Variants in RBFOX1 observed in about 807,000 individuals in gnomAD.
RBFOX1 encodes the protein RNA binding fox-1 homolog 1, also known as RNA binding protein fox-1 homolog 1.
In RBFOX1, 8 loss-of-function variants were observed where a neutral mutation model predicts 57.7. The observed-to-expected ratio is 0.14, with a 90% CI of 0.08 to 0.25. The LOEUF (loss-of-function observed/expected upper bound fraction) is 0.25, where lower values mean the gene tolerates loss of function less well. Ranked by LOEUF, RBFOX1 falls within the 10% of genes least tolerant of loss-of-function variation. RBFOX1 has a pLI of 1.00. For missense variants in RBFOX1, 611 were observed against 548.5 expected, an observed-to-expected ratio of 1.11 and a Z score of -1.14; for synonymous variants, 326 against 222.4, an observed-to-expected ratio of 1.47 and a Z score of -4.15.
At chr16:6,534,773 TTGAC>T (rs2153822592) in intron 2 of RBFOX1, among the ~76,000 whole-genome samples, 1 of 152,256 alleles carries the variant, frequency 6.6e-6, no homozygotes, top group African/African-American at 2.4e-5. Flanking sequence ...TCTATGCACT[TTGAC>T]TGGGGTACTG....
intron 4 of RBFOX1, among the ~76,000 whole-genome samples, chr16:7,121,072 G>A (rs1468592301): frequency 1.3e-5 from 2 of 151,928 alleles, no homozygotes; most frequent in Non-Finnish European, 1.5e-5. Flanking sequence ...CTACATTGAT[G>A]ATAAAAACTC....
chr16:7,510,724 C>T (rs529092486), intron 4 of RBFOX1, among the ~76,000 whole-genome samples: 11 of 152,074 alleles, frequency 7.2e-5, no homozygotes, highest in Non-Finnish European at 1.2e-4. Context: ...AGACCATGCT[C>T]CTAAACTAAA....
At chr16:7,347,127 A>G (rs1235340512) in intron 4 of RBFOX1, among the ~76,000 whole-genome samples, 5 of 152,172 alleles carry the variant, frequency 3.3e-5, no homozygotes, top group East Asian at 1.9e-4. Flanking sequence ...TTGTAAGGAC[A>G]TTTAGCAATA....
rs1349610328 is a variant in RBFOX1, at chr16:6,183,478, T to TA, written c.-126-133510dup. The stretch of plus-strand genomic sequence containing the variant: ...CTGGGTGACAGAGCAAGGCTCCATC[T>TA]AAAAAAATTAAATAAATAAATAAAT... On this transcript the variant is annotated intron_variant, in intron 1 of 15. Coordinates refer to ENST00000550418, the MANE Select transcript of RBFOX1 (RefSeq NM_018723.4). 3.4e-5 allele frequency among the ~76,000 whole-genome samples: 4 copies of TA among 116,376 alleles called. 1 individual carries two copies. The highest frequency in any genetic ancestry group is 2.1e-4 in the Admixed American group (2 of 9,430). The allele number at this position is 116,376 out of a possible 152,430, so 76.3% of individuals were successfully genotyped here. A position where few individuals can be genotyped will look rare whatever the true frequency, so the allele number is the denominator to read the frequency against.
rs77288488 is a variant in RBFOX1, at chr16:5,689,973, G to C, written c.318+91012G>C. Among the ~76,000 whole-genome samples the C allele has an allele frequency of 5.4e-3, 825 of 152,270 alleles. 14 individuals carry two copies. Among genetic ancestry groups the C allele is most frequent in the East Asian group, 0.04 (207 of 5,170 alleles). ...GCATGGCCATGCAGAGAGACAGCAG[G>C]GGAGTGCTGCTTGCACATGGAACAG... On this transcript the variant is annotated intron_variant, in intron 3 of 19. Transcript: ENST00000641259.
At chr16:5,566,598 A>G (rs1031444448) in intron 2 of RBFOX1, among the ~76,000 whole-genome samples, 7 of 151,214 alleles carry the variant, frequency 4.6e-5, no homozygotes, top group Middle Eastern at 3.2e-3. Context: ...ATATGTGTGT[A>G]TATATGTGTA....
chr16:6,985,832 TAA>T (rs565941451), intron 3 of RBFOX1, among the ~76,000 whole-genome samples: 2 of 99,820 alleles, frequency 2.0e-5, no homozygotes, highest in African/African-American at 4.8e-5. Flanking sequence ...TGAGTTCATG[TAA>T]AAAAAAAAAA....
At chr16:6,657,097 ACTCTCCTCTCCTCCCCTCTC>A (rs2098663272) in intron 3 of RBFOX1, among the ~76,000 whole-genome samples, 1 of 38,868 alleles carries the variant, frequency 2.6e-5, no homozygotes, top group East Asian at 1.1e-3. Context: ...CCTCCCCTTT[ACTCTCCTCTCCTCCCCTCTC>A]CTCTCCTCTC....
At chr16:7,236,854 G>A (rs904719600) in intron 4 of RBFOX1, among the ~76,000 whole-genome samples, 8 of 152,292 alleles carry the variant, frequency 5.3e-5, no homozygotes, top group Admixed American at 4.6e-4. Flanking sequence ...TTCACTGGAA[G>A]CACGCAGGAT....
In RBFOX1 at chr16:7,029,127, CGTAT is replaced by C. The variant is rs1376755646; in HGVS notation, c.-15-22929_-15-22926del. Among the ~76,000 whole-genome samples, 9 of 59,646 alleles carry C rather than the reference CGTAT, an allele frequency of 1.5e-4. No homozygotes were observed. In the Admixed American group the frequency reaches 1.6e-3, roughly 10 times the overall value. 39.1% of individuals were successfully genotyped at this position (59,646 alleles called of 152,430 possible). A position where few individuals can be genotyped will look rare whatever the true frequency, so the allele number is the denominator to read the frequency against. On this transcript the variant is annotated intron_variant, in intron 3 of 15. Transcript: ENST00000550418. Reference sequence around the variant, plus strand: ...ACACACACACACACACACACATATACGTATATATATATGTGTATATATGTATATA... The same window carrying C: ...ACACACACACACACACACACATATACATATATATGTGTATATATGTATATA...
At chr16:6,450,009 A>G (rs901440617) in intron 2 of RBFOX1, among the ~76,000 whole-genome samples, 3 of 152,104 alleles carry the variant, frequency 2.0e-5, no homozygotes, top group Non-Finnish European at 4.4e-5. Context: ...AATTGCTTTT[A>G]TTGGATTGCA....
At chr16:7,083,917 C>G (rs2059586485) in intron 4 of RBFOX1, among the ~76,000 whole-genome samples, 1 of 152,078 alleles carries the variant, frequency 6.6e-6, no homozygotes, top group South Asian at 2.1e-4. Flanking sequence ...CACTTAGCAT[C>G]CTGCCCACCT....
chr16:5,891,608 C>T (rs1167201106), intron 4 of RBFOX1, among the ~76,000 whole-genome samples: 1 of 152,152 alleles, frequency 6.6e-6, no homozygotes, highest in Non-Finnish European at 1.5e-5. Flanking sequence ...TTCTAGTCTA[C>T]AGCTGGGTGA....
At chr16:7,368,802 A>G (rs1038475444) in intron 4 of RBFOX1, among the ~76,000 whole-genome samples, 12 of 151,926 alleles carry the variant, frequency 7.9e-5, no homozygotes, top group Admixed American at 6.6e-4. Context: ...AAAAATAAAA[A>G]TAATTGGAGT....
intron 4 of RBFOX1, among the ~76,000 whole-genome samples, chr16:7,313,720 C>G (rs2096374250): frequency 6.6e-6 from 1 of 152,058 alleles, no homozygotes; most frequent in South Asian, 2.1e-4. Context: ...ACAAAAAAAG[C>G]CTCCAGGGAG....
intron 4 of RBFOX1, among the ~76,000 whole-genome samples, chr16:7,305,357 G>C (rs1162290527): frequency 6.6e-6 from 1 of 152,096 alleles, no homozygotes; most frequent in African/African-American, 2.4e-5. Flanking sequence ...GCTCAGCACT[G>C]CCCTTGTAGG....
At chr16:7,370,967 C>T (rs180672329) in intron 4 of RBFOX1, among the ~76,000 whole-genome samples, 1 of 152,188 alleles carries the variant, frequency 6.6e-6, no homozygotes, top group East Asian at 1.9e-4. Context: ...GAAGCAAAGC[C>T]CCAATCAGGA....
At chr16:7,681,568 C>T (rs1179765701) in intron 14 of RBFOX1, among the ~76,000 whole-genome samples, 1 of 151,982 alleles carries the variant, frequency 6.6e-6, no homozygotes, top group Non-Finnish European at 1.5e-5. Context: ...GAGTTCTTAT[C>T]CGATGATATA....
chr16:7,455,420 A>G lies in RBFOX1; in HGVS notation c.28-62727A>G, dbSNP rs117729805. On this transcript the variant is annotated intron_variant, in intron 4 of 15. Coordinates refer to ENST00000550418, the MANE Select transcript of RBFOX1 (RefSeq NM_018723.4). ...CTTACTCTCCATGCAAGAATATAAC[A>G]GCTCCCAGAGTTGTTTGCAAGAAAA... 2.2e-3 allele frequency among the ~76,000 whole-genome samples: 332 copies of G among 152,308 alleles called. 8 individuals carry two copies. The East Asian group carries it at 0.057, about 26-fold the overall frequency.
Sources: allele counts gnomAD v4.1 joint callset (sites outside exome capture counted in the v4.1 genomes callset), GRCh38; gene constraint gnomAD v4.1.1; transcripts MANE v1.5; gene names NCBI Gene and HGNC (gene_info 2026-07-23, HGNC 2026-07-21).